Variants in CNTNAP2 observed in about 807,000 individuals in gnomAD.
CNTNAP2 encodes contactin associated protein 2.
Under a neutral mutation model 155.2 loss-of-function variants are expected in CNTNAP2, and 98 were observed. The observed-to-expected ratio is 0.63, with a 90% CI of 0.54 to 0.75. The LOEUF is 0.75. Ranked by LOEUF, CNTNAP2 falls within the 30% of genes least tolerant of loss-of-function variation. The pLI, the probability that CNTNAP2 is intolerant of heterozygous loss-of-function variation, is 0.00. For synonymous variants in CNTNAP2, 651 were observed against 631.2 expected (o/e 1.03, Z -0.47); for missense variants, 1,727 against 1,688.1 (o/e 1.02, Z -0.40).
At chr7:146,327,730 T>C (rs2129093893) in intron 1 of CNTNAP2, among the ~76,000 whole-genome samples, 1 of 152,340 alleles carries the variant, frequency 6.6e-6, no homozygotes, top group East Asian at 1.9e-4. Flanking sequence ...TAAAGTGAAC[T>C]TTTGATACGG....
At chr7:147,208,941 T>C (rs1043612174) in intron 8 of CNTNAP2, among the ~76,000 whole-genome samples, 15 of 152,076 alleles carry the variant, frequency 9.9e-5, no homozygotes, top group African/African-American at 3.4e-4. Context: ...AATTGCATAG[T>C]GCTATACAAA....
At chr7:146,608,238 G>C (rs1402091462) in intron 1 of CNTNAP2, among the ~76,000 whole-genome samples, 1 of 152,100 alleles carries the variant, frequency 6.6e-6, no homozygotes, top group Non-Finnish European at 1.5e-5. Flanking sequence ...CAAATATATT[G>C]TTCCTTTTTC....
chr7:146,832,505 T>C (rs1186903473), intron 2 of CNTNAP2, among the ~76,000 whole-genome samples: 1 of 148,076 alleles, frequency 6.8e-6, no homozygotes, highest in East Asian at 1.9e-4. Context: ...TATATAGTGG[T>C]AAATTTTATA....
intron 8 of CNTNAP2, chr7:147,167,343 T>A: frequency 1.5e-6 from 1 of 652,372 alleles, no homozygotes; most frequent in Non-Finnish European, 2.4e-6. Flanking sequence ...TGACTGTTTC[T>A]GCCGAAAGAA....
At chr7:148,004,704 T>G (rs965949026) in intron 15 of CNTNAP2, among the ~76,000 whole-genome samples, 1 of 152,214 alleles carries the variant, frequency 6.6e-6, no homozygotes, top group African/African-American at 2.4e-5. Flanking sequence ...TAATATGTAA[T>G]GAAAATGCTT....
intron 21 of CNTNAP2, among the ~76,000 whole-genome samples, chr7:148,380,633 T>G (rs1271699601): frequency 2.8e-5 from 2 of 70,890 alleles, no homozygotes; most frequent in South Asian, 3.7e-4. Flanking sequence ...ATATTTGACT[T>G]CTTTTTTTTT....
intron 4 of CNTNAP2, among the ~76,000 whole-genome samples, chr7:147,050,417 A>G (rs1442580456): frequency 2.6e-5 from 4 of 152,258 alleles, no homozygotes; most frequent in Non-Finnish European, 5.9e-5. Flanking sequence ...ACCAAGGTAC[A>G]CACATCGAAA....
chr7:147,471,162 C>G (rs1488307096), intron 10 of CNTNAP2, among the ~76,000 whole-genome samples: 2 of 152,066 alleles, frequency 1.3e-5, no homozygotes, highest in Non-Finnish European at 2.9e-5. Flanking sequence ...ACCAAGTGTC[C>G]AAACTTAACA....
chr7:146,414,337 A>T (rs968721336), intron 1 of CNTNAP2, among the ~76,000 whole-genome samples: 1 of 152,082 alleles, frequency 6.6e-6, no homozygotes, highest in African/African-American at 2.4e-5. Context: ...CCCACATAGG[A>T]TTGTTTTAAA....
chr7:147,887,686 C>T (rs1005432165), intron 13 of CNTNAP2, among the ~76,000 whole-genome samples: 1 of 151,978 alleles, frequency 6.6e-6, no homozygotes, highest in Non-Finnish European at 1.5e-5. Context: ...AAGAAGGGTC[C>T]ATGCCAAGTA....
chr7:148,411,851 ATGTG>A (rs148431158), intron 23 of CNTNAP2, among the ~76,000 whole-genome samples: 42,310 of 147,610 alleles, frequency 0.29, 6,396 homozygotes, highest in Non-Finnish European at 0.35. Flanking sequence ...CAACTGACAT[ATGTG>A]TGTGTGTGTG....
chr7:147,115,355 A>C (rs907376694), intron 5 of CNTNAP2, among the ~76,000 whole-genome samples: 9 of 152,074 alleles, frequency 5.9e-5, no homozygotes, highest in African/African-American at 2.2e-4. Context: ...CTGAATTTGA[A>C]TGTTGGCCTT....
intron 9 of CNTNAP2, among the ~76,000 whole-genome samples, chr7:147,347,425 T>TATATATATATATATATGC (rs1563169217): frequency 4.2e-5 from 2 of 47,152 alleles, no homozygotes; most frequent in African/African-American, 8.1e-5. Context: ...AAAGATTATA[T>TATATATATATATATATGC]ATATATATAT....
At chr7:147,363,740 C>T (rs1338236069) in intron 9 of CNTNAP2, among the ~76,000 whole-genome samples, 1 of 151,694 alleles carries the variant, frequency 6.6e-6, no homozygotes, top group Non-Finnish European at 1.5e-5. Flanking sequence ...ATTTATAGGG[C>T]CTTAGGGAAA....
chr7:146,328,405 T>C (rs780485991), intron 1 of CNTNAP2, among the ~76,000 whole-genome samples: 3 of 152,036 alleles, frequency 2.0e-5, no homozygotes, highest in Non-Finnish European at 4.4e-5. Context: ...GTATGATCAA[T>C]AAAGAAACAA....
intron 8 of CNTNAP2, among the ~76,000 whole-genome samples, chr7:147,286,924 A>T (rs180838234): frequency 1.3e-5 from 2 of 152,038 alleles, no homozygotes; most frequent in African/African-American, 4.8e-5. Context: ...TTCTTCAAAT[A>T]GTTTCCTTCT....
At chr7:148,390,901 C>T (rs1799332322) in intron 22 of CNTNAP2, among the ~76,000 whole-genome samples, 1 of 152,168 alleles carries the variant, frequency 6.6e-6, no homozygotes, top group African/African-American at 2.4e-5. Context: ...ACAACTATAA[C>T]AGATGTCATT....
chr7:146,441,900 C>T (rs1161275228), intron 1 of CNTNAP2, among the ~76,000 whole-genome samples: 1 of 151,598 alleles, frequency 6.6e-6, no homozygotes, highest in Non-Finnish European at 1.5e-5. Flanking sequence ...AAAGATAAAA[C>T]ATGTAAAGAT....
intron 1 of CNTNAP2, among the ~76,000 whole-genome samples, chr7:146,625,523 A>G (rs1361043684): frequency 2.0e-5 from 3 of 152,026 alleles, no homozygotes; most frequent in Admixed American, 2.0e-4. Context: ...CAAATTAACA[A>G]ACTAGTATTT....
Sources: gnomAD v4.1 joint callset for allele counts (sites outside exome capture counted in the v4.1 genomes callset) on GRCh38, gnomAD v4.1.1 for gene constraint, MANE v1.5 for transcripts, NCBI Gene and HGNC (gene_info 2026-07-23, HGNC 2026-07-21) for gene names.